DPP10: variants seen among roughly 807,000 people sequenced by gnomAD.
DPP10 encodes inactive dipeptidyl peptidase 10.
DPP10 carries 33 observed loss-of-function variants against 120.9 expected under a neutral mutation model. The observed-to-expected ratio is 0.27, with a 90% CI of 0.21 to 0.37. The LOEUF is 0.37. Ranked by LOEUF, DPP10 falls within the 10% of genes least tolerant of loss-of-function variation. DPP10 has a pLI of 1.00. For synonymous variants in DPP10, 337 were observed against 326.1 expected, an observed-to-expected ratio of 1.03 and a Z score of -0.36; for missense variants, 816 against 942.8, an observed-to-expected ratio of 0.87 and a Z score of 1.76.
At chr2:114,466,904 T>A (rs1052354375) in intron 1 of DPP10, among the ~76,000 whole-genome samples, 1 of 151,974 alleles carries the variant, frequency 6.6e-6, no homozygotes, top group African/African-American at 2.4e-5. Context: ...AACTATTAGC[T>A]GGGCATGGTG....
At chr2:114,846,165 G>C (rs1173983602) in intron 1 of DPP10, among the ~76,000 whole-genome samples, 1 of 151,928 alleles carries the variant, frequency 6.6e-6, no homozygotes, top group East Asian at 1.9e-4. Flanking sequence ...AATAAAATTA[G>C]TCCTTATGTT....
At chr2:114,868,955 C>A (rs1481804282) in intron 1 of DPP10, among the ~76,000 whole-genome samples, 1 of 151,996 alleles carries the variant, frequency 6.6e-6, no homozygotes, top group Non-Finnish European at 1.5e-5. Flanking sequence ...ATAAGAATGC[C>A]TACCTCACAA....
At chr2:114,589,057 G>A (rs954118756) in intron 1 of DPP10, among the ~76,000 whole-genome samples, 22 of 150,514 alleles carry the variant, frequency 1.5e-4, no homozygotes, top group Middle Eastern at 3.5e-3. Flanking sequence ...GGTAGGGGAC[G>A]TACTGTTTAT....
chr2:115,181,603 GA>G (rs1479332584), intron 1 of DPP10, among the ~76,000 whole-genome samples: 3 of 152,040 alleles, frequency 2.0e-5, no homozygotes, highest in Non-Finnish European at 4.4e-5. Flanking sequence ...AGTACCGAGG[GA>G]AAAAAACCCC....
At chr2:114,988,160 C>T (rs1374351009) in intron 1 of DPP10, among the ~76,000 whole-genome samples, 2 of 152,086 alleles carry the variant, frequency 1.3e-5, no homozygotes, top group Non-Finnish European at 2.9e-5. Flanking sequence ...GAATGTCTGG[C>T]GCAGTACTCA....
chr2:114,530,104 C>T (rs1271734940), intron 1 of DPP10, among the ~76,000 whole-genome samples: 4 of 152,042 alleles, frequency 2.6e-5, no homozygotes, highest in Non-Finnish European at 5.9e-5. Flanking sequence ...GACATTTCTG[C>T]CACAGGAGTT....
At chr2:114,998,700 C>T (rs951110278) in intron 1 of DPP10, among the ~76,000 whole-genome samples, 1 of 152,152 alleles carries the variant, frequency 6.6e-6, no homozygotes, top group African/African-American at 2.4e-5. Flanking sequence ...GCACAGCTCC[C>T]TGGCATAAGG....
intron 1 of DPP10, among the ~76,000 whole-genome samples, chr2:114,445,784 GAC>G (rs1225616026): frequency 8.5e-5 from 13 of 152,058 alleles, no homozygotes; most frequent in African/African-American, 2.4e-4. Flanking sequence ...CTTTAGCTCA[GAC>G]AGTTACTGAC....
At chr2:115,837,643 A>C (rs1689667649) in intron 24 of DPP10, among the ~76,000 whole-genome samples, 1 of 152,166 alleles carries the variant, frequency 6.6e-6, no homozygotes, top group Admixed American at 6.5e-5. Flanking sequence ...ACATCACATC[A>C]ACAGTGACAA....
intron 1 of DPP10, among the ~76,000 whole-genome samples, chr2:115,105,494 G>C (rs980195448): frequency 1.3e-5 from 2 of 151,762 alleles, no homozygotes; most frequent in Non-Finnish European, 1.5e-5. Flanking sequence ...AATCAGATTT[G>C]ATGGTAACTA....
Position 115,533,803 on chromosome 2 carries a change from A to G in DPP10, c.441+7831A>G, listed in dbSNP as rs2078620816. Among the ~76,000 whole-genome samples, 5 of 152,092 alleles carry G rather than the reference A, an allele frequency of 3.3e-5. No homozygotes were observed. The South Asian group carries it at 1.0e-3, about 31-fold the overall frequency. On this transcript the variant is annotated intron_variant, in intron 5 of 25. Coordinates refer to ENST00000410059, the MANE Select transcript of DPP10 (RefSeq NM_020868.6). ...GAAATCCTCCTGCCTTCTAGTGCCC[A>G]TAGAATACTCACCTTTCCTCGTTTG...
At position 115,150,932 on chromosome 2, in the gene DPP10, C is replaced by T. The variant is rs1022430929; in HGVS notation, c.61-158307C>T. ...AAATTCTTCTGTTTCTTTTTACTTT[C>T]TTCAGGTGGCTACTAAAAAATTTAA... On this transcript the variant is annotated intron_variant, in intron 1 of 25. Coordinates refer to ENST00000410059, the MANE Select transcript of DPP10 (RefSeq NM_020868.6). Among the ~76,000 whole-genome samples, 3 of 152,204 alleles carry T rather than the reference C, an allele frequency of 2.0e-5. No individual in the cohort carries two copies. In the East Asian group the frequency reaches 5.8e-4, roughly 29 times the overall value.
At chr2:115,022,748 C>T (rs905505276) in intron 1 of DPP10, among the ~76,000 whole-genome samples, 1 of 152,134 alleles carries the variant, frequency 6.6e-6, no homozygotes, top group Non-Finnish European at 1.5e-5. Flanking sequence ...TGACTTCAAA[C>T]TATACTATAA....
intron 1 of DPP10, among the ~76,000 whole-genome samples, chr2:114,953,183 A>G (rs1697923481): frequency 6.6e-6 from 1 of 152,208 alleles, no homozygotes; most frequent in Non-Finnish European, 1.5e-5. Context: ...TAATAGAATC[A>G]GAGAACTGAA....
At chr2:114,804,371 G>A (rs997691904) in intron 1 of DPP10, among the ~76,000 whole-genome samples, 5 of 152,122 alleles carry the variant, frequency 3.3e-5, no homozygotes, top group African/African-American at 4.8e-5. Flanking sequence ...GTCACTGCCT[G>A]GTGGAGCTGT....
chr2:115,805,908 C>T (rs934290997), intron 19 of DPP10, among the ~76,000 whole-genome samples: 2 of 152,090 alleles, frequency 1.3e-5, no homozygotes, highest in Non-Finnish European at 2.9e-5. Flanking sequence ...TGTACTCTCA[C>T]CGCATTATGA....
intron 11 of DPP10, among the ~76,000 whole-genome samples, chr2:115,753,527 C>A (rs1348273842): frequency 6.6e-6 from 1 of 152,046 alleles, no homozygotes; most frequent in Non-Finnish European, 1.5e-5. Flanking sequence ...CTTTTGAAAA[C>A]CAAATTAATT....
At chr2:114,449,544 G>A (rs1678135689) in intron 1 of DPP10, among the ~76,000 whole-genome samples, 1 of 151,684 alleles carries the variant, frequency 6.6e-6, no homozygotes, top group Admixed American at 6.6e-5. Flanking sequence ...CCTGCAAACG[G>A]ATATAAGGCA....
intron 1 of DPP10, among the ~76,000 whole-genome samples, chr2:114,840,220 G>A (rs576481161): frequency 5.3e-5 from 8 of 152,268 alleles, no homozygotes. Flanking sequence ...TGAATATGTG[G>A]AGAGAAGATT....
Sources: gnomAD v4.1 joint callset for allele counts (sites outside exome capture counted in the v4.1 genomes callset) on GRCh38, gnomAD v4.1.1 for gene constraint, MANE v1.5 for transcripts, NCBI Gene and HGNC (gene_info 2026-07-23, HGNC 2026-07-21) for gene names.